CHST11: variants seen among roughly 807,000 people sequenced by gnomAD.
CHST11 encodes C4S-1.
CHST11 carries 9 observed loss-of-function variants against 30.4 expected under a neutral mutation model. The ratio of observed to expected loss-of-function variants is 0.30; its 90% CI spans 0.18 to 0.52. CHST11 has a LOEUF of 0.52. Ranked by LOEUF, CHST11 falls within the 20% of genes least tolerant of loss-of-function variation. The probability of loss-of-function intolerance (pLI) is 0.97; values close to 1 mark genes in which losing one functional copy is unlikely to be tolerated. For synonymous variants in CHST11, 152 were observed against 187.8 expected (o/e 0.81, Z 1.56); for missense variants, 348 against 460.6 (o/e 0.76, Z 2.24).
intron 2 of CHST11, among the ~76,000 whole-genome samples, chr12:104,660,437 A>G (rs2039588838): frequency 6.6e-6 from 1 of 152,232 alleles, no homozygotes; most frequent in Non-Finnish European, 1.5e-5. Flanking sequence ...CTTCAGCCCA[A>G]GGGAAAACAT....
intron 2 of CHST11, among the ~76,000 whole-genome samples, chr12:104,714,230 A>G (rs1193456437): frequency 6.6e-6 from 1 of 152,200 alleles, no homozygotes; most frequent in Admixed American, 6.5e-5. Context: ...AGTCCCTATC[A>G]CTGAGGCCCC....
chr12:104,551,800 G>C (rs1315960938), intron 1 of CHST11, among the ~76,000 whole-genome samples: 1 of 152,116 alleles, frequency 6.6e-6, no homozygotes, highest in Non-Finnish European at 1.5e-5. Context: ...AGGAGACCGA[G>C]GTTGGGCGAC....
chr12:104,630,209 T>C (rs1271578962), intron 2 of CHST11, among the ~76,000 whole-genome samples: 1 of 152,208 alleles, frequency 6.6e-6, no homozygotes. Flanking sequence ...CAAAGGGTAT[T>C]GTACAGGACA....
intron 2 of CHST11, among the ~76,000 whole-genome samples, chr12:104,657,239 G>A (rs912330231): frequency 2.0e-5 from 3 of 152,070 alleles, no homozygotes; most frequent in African/African-American, 7.2e-5. Context: ...CTCATCTCTG[G>A]GAGCGAAACA....
chr12:104,695,206 C>T (rs914702056), intron 2 of CHST11, among the ~76,000 whole-genome samples: 1 of 152,178 alleles, frequency 6.6e-6, no homozygotes, highest in Non-Finnish European at 1.5e-5. Flanking sequence ...CTGGCTTGCC[C>T]TGAGACTAAA....
chr12:104,458,791 G>T lies in CHST11; in HGVS notation c.118+1262G>T, dbSNP rs2135946355. 6.6e-6 allele frequency among the ~76,000 whole-genome samples: 1 copy of T among 152,360 alleles called. No individual in the cohort carries two copies. Among genetic ancestry groups the T allele is most frequent in the Middle Eastern group, 3.4e-3 (1 of 294 alleles). On this transcript the variant is annotated intron_variant, in intron 1 of 2. Coordinates refer to ENST00000303694, the MANE Select transcript of CHST11 (RefSeq NM_018413.6). The surrounding 1 kb of genome is among the most constrained non-coding windows in gnomAD (Gnocchi z 5.7). ...GAAACGCATTTCCTTCCAGGGAAGTGGGGTTGGTGTTTTTCATTTTTGCCT... is the reference window on the plus strand; with the variant it reads ...GAAACGCATTTCCTTCCAGGGAAGTTGGGTTGGTGTTTTTCATTTTTGCCT...
intron 2 of CHST11, among the ~76,000 whole-genome samples, chr12:104,672,437 T>G (rs1375596250): frequency 6.6e-6 from 1 of 152,212 alleles, no homozygotes; most frequent in Admixed American, 6.5e-5. Context: ...TCTGGCAAAT[T>G]CTGCCAAAAT....
chr12:104,694,857 C>G (rs1394111005), intron 2 of CHST11, among the ~76,000 whole-genome samples: 1 of 152,198 alleles, frequency 6.6e-6, no homozygotes, highest in Non-Finnish European at 1.5e-5. Context: ...AGTGCAGCTC[C>G]GAGTCCTGAG....
intron 1 of CHST11, among the ~76,000 whole-genome samples, chr12:104,526,245 AAAG>A (rs1287214299): frequency 2.0e-5 from 3 of 152,122 alleles, no homozygotes; most frequent in Non-Finnish European, 1.5e-5. Context: ...AAGAAAAAGA[AAAG>A]AAGGGAGAAT....
intron 2 of CHST11, among the ~76,000 whole-genome samples, chr12:104,753,340 T>C (rs1350261244): frequency 6.6e-6 from 1 of 152,064 alleles, no homozygotes; most frequent in Non-Finnish European, 1.5e-5. Context: ...ACTGATTGCA[T>C]TAAAGAAGTT....
intron 2 of CHST11, among the ~76,000 whole-genome samples, chr12:104,731,883 G>A (rs1259563493): frequency 6.6e-6 from 1 of 152,226 alleles, no homozygotes; most frequent in Non-Finnish European, 1.5e-5. Context: ...AATCCCCAAC[G>A]TACTGGGCAT....
chr12:104,665,292 C>A (rs1193913068), intron 2 of CHST11, among the ~76,000 whole-genome samples: 1 of 152,192 alleles, frequency 6.6e-6, no homozygotes, highest in Non-Finnish European at 1.5e-5. Context: ...TAATAGCACT[C>A]ATCTCAGGAT....
chr12:104,587,814 C>T (rs114293067), intron 1 of CHST11, among the ~76,000 whole-genome samples: 3,500 of 138,842 alleles, frequency 0.025, 159 homozygotes, highest in African/African-American at 0.089. Flanking sequence ...CTCTTCAATT[C>T]GTTAGAGATT....
Position 104,757,590 on chromosome 12 carries a change from G to A in CHST11, c.846G>A (p.Leu282=). The change falls in exon 3 of 3, where the codon CTG becomes CTA. Residue 282 remains leucine (L), a synonymous_variant. Transcript: ENST00000303694. The surrounding 1 kb of genome is among the most constrained non-coding windows in gnomAD (Gnocchi z 6.5). ...HYDLVGKYET[L]EEDSNYVLQL... is the part of the protein sequence containing the mutation. ...ACCTCGTGGGCAAGTACGAGACACTGGAAGAGGATTCTAATTACGTCCTGC... is the reference window on the plus strand; with the variant it reads ...ACCTCGTGGGCAAGTACGAGACACTAGAAGAGGATTCTAATTACGTCCTGC... The A allele has an allele frequency of 6.2e-7, 1 of 1,614,158 alleles. No individual in the cohort carries two copies. The highest frequency in any genetic ancestry group is 8.5e-7 in the Non-Finnish European group (1 of 1,180,028).
chr12:104,707,534 T>G (rs1317858525), intron 2 of CHST11, among the ~76,000 whole-genome samples: 1 of 152,244 alleles, frequency 6.6e-6, no homozygotes, highest in Non-Finnish European at 1.5e-5. Flanking sequence ...TGCTAAGTTT[T>G]CTCAGCCTAG....
intron 1 of CHST11, among the ~76,000 whole-genome samples, chr12:104,549,137 C>T (rs1321418557): frequency 6.6e-6 from 1 of 152,168 alleles, no homozygotes; most frequent in Non-Finnish European, 1.5e-5. Context: ...AAACTGGAGC[C>T]TCCTGTGTGC....
At chr12:104,685,221 C>G (rs528036714) in intron 2 of CHST11, among the ~76,000 whole-genome samples, 1 of 152,308 alleles carries the variant, frequency 6.6e-6, no homozygotes, top group South Asian at 2.1e-4. Flanking sequence ...CTAAAAAAAT[C>G]TTAATATATA....
At chr12:104,538,645 T>C (rs7342363) in intron 1 of CHST11, among the ~76,000 whole-genome samples, 5,801 of 152,306 alleles carry the variant, frequency 0.038, 387 homozygotes, top group African/African-American at 0.13. Flanking sequence ...CTCCACCAGA[T>C]TGTAACCTCC....
intron 2 of CHST11, among the ~76,000 whole-genome samples, chr12:104,748,948 C>G (rs1336775190): frequency 6.6e-6 from 1 of 152,164 alleles, no homozygotes; most frequent in African/African-American, 2.4e-5. Context: ...GATTAGTACT[C>G]AGGGGTAGCC....
Sources: allele counts gnomAD v4.1 joint callset (sites outside exome capture counted in the v4.1 genomes callset), GRCh38; gene constraint gnomAD v4.1.1; non-coding constraint Gnocchi (gnomAD v3.1); transcripts MANE v1.5; gene names NCBI Gene and HGNC (gene_info 2026-07-23, HGNC 2026-07-21).